RFESD: variants seen among roughly 807,000 people sequenced by gnomAD.
RFESD encodes the protein Rieske domain-containing protein.
In RFESD, 16 loss-of-function variants were observed where a neutral mutation model predicts 24.4. The ratio of observed to expected loss-of-function variants is 0.66; its 90% confidence interval spans 0.44 to 1.00. RFESD has a LOEUF of 1.00. Among genes scored for constraint, RFESD ranks in the 50% least tolerant of loss-of-function variants. RFESD has a pLI of 0.00. For synonymous variants in RFESD, 59 were observed against 81.8 expected (o/e 0.72, Z 1.50); for missense variants, 208 against 247.0 (o/e 0.84, Z 1.06).
chr5:95,652,869 ATTG>A (rs1750439584), intron 2 of RFESD: 1 of 449,404 alleles, frequency 2.2e-6, no homozygotes, highest in Non-Finnish European at 3.8e-6. Context: ...CTGGGCATCC[ATTG>A]TTGTTTTGCT....
intron 1 of RFESD, among the ~76,000 whole-genome samples, chr5:95,651,460 TC>T (rs752023166): frequency 7.9e-5 from 12 of 152,144 alleles, no homozygotes; most frequent in Non-Finnish European, 1.5e-4. Context: ...AGTGGTATGA[TC>T]ATAGCTCACT....
At chr5:95,655,948 C>G in intron 5 of RFESD, 98 bp from the exon 6 acceptor site, 1 of 1,114,550 alleles carries the variant, frequency 9.0e-7, no homozygotes, top group Non-Finnish European at 1.3e-6. Flanking sequence ...GAAAAGCTAA[C>G]CTGTTTTTTT....
At chr5:95,653,068 C>T in intron 2 of RFESD, 49 bp from the exon 3 acceptor site, 1 of 1,548,550 alleles carries the variant, frequency 6.5e-7, no homozygotes, top group Non-Finnish European at 8.7e-7. Context: ...GGAACACATT[C>T]ACCAAGACTT....
At chr5:95,653,989 G>A (rs1049598395) in intron 3 of RFESD, 72 bp from the exon 4 acceptor site, 10 of 1,270,296 alleles carry the variant, frequency 7.9e-6, no homozygotes, top group Non-Finnish European at 1.1e-5. Flanking sequence ...TTCATTCTTA[G>A]GGTTATCTCC....
At chr5:95,648,045 A>G (rs1561383918) in intron 1 of RFESD, 2 of 152,228 alleles carry the variant, frequency 1.3e-5, no homozygotes, top group Admixed American at 1.3e-4. Context: ...TGGTAAAAGC[A>G]TCTTAGTCAT....
Position 95,656,759 on chromosome 5 carries a change from C to A in RFESD, c.*450C>A, listed in dbSNP as rs1750789062. Reference sequence around the variant, plus strand: ...TATATAATGAACTTCCATCACTCAGCTTTAACAGTTATCAGCATTCTTCCA... The same window carrying A: ...TATATAATGAACTTCCATCACTCAGATTTAACAGTTATCAGCATTCTTCCA... On this transcript the variant is annotated 3_prime_UTR_variant, in exon 6 of 6. Coordinates refer to ENST00000380005, the MANE Select transcript of RFESD (RefSeq NM_001131066.2). 1 of 153,158 alleles carries A rather than the reference C, an allele frequency of 6.5e-6. No individual in the cohort carries two copies. The highest frequency in any genetic ancestry group is 2.0e-4 in the South Asian group (1 of 4,888). 9.5% of individuals were successfully genotyped at this position (153,158 alleles called of 1,614,324 possible). A position where few individuals can be genotyped will look rare whatever the true frequency, so the allele number is the denominator to read the frequency against.
chr5:95,647,574 T>C (rs1181867342), intron 1 of RFESD: 1 of 152,112 alleles, frequency 6.6e-6, no homozygotes, highest in African/African-American at 2.4e-5. Flanking sequence ...TGTGACTTTA[T>C]ATAAAATTAT....
At chr5:95,649,526 T>C (rs1750229464) in intron 1 of RFESD, among the ~76,000 whole-genome samples, 1 of 152,256 alleles carries the variant, frequency 6.6e-6, no homozygotes, top group Non-Finnish European at 1.5e-5. Flanking sequence ...TATTATTATG[T>C]TTAACTTTAC....
In RFESD at chr5:95,654,380, AAATTT is replaced by A; in HGVS notation, c.369+15_369+19del. The A allele has an allele frequency of 6.4e-7, 1 of 1,560,210 alleles. No individual in the cohort carries two copies. Among genetic ancestry groups the A allele is most frequent in the Non-Finnish European group, 8.7e-7 (1 of 1,145,598 alleles). ...GGGAGATATAGAGGTATGTAAAATT[AAATTT>A]ATTTTCAGCAAATTCAGCAAATAAA... On this transcript the variant is annotated intron_variant, in intron 5 of 5. Transcript: ENST00000380005.
chr5:95,656,413 A>G lies in RFESD; in HGVS notation c.*104A>G. 1.2e-6 allele frequency: 1 copy of G among 839,862 alleles called. No individual in the cohort carries two copies. Among genetic ancestry groups the G allele is most frequent in the South Asian group, 1.8e-5 (1 of 56,732 alleles). 52.0% of individuals were successfully genotyped at this position (839,862 alleles called of 1,614,324 possible). ...GATGAAATTTTTCAACATAGGCACA[A>G]CTGTTTAAAATTCACATACATTTGA... On this transcript the variant is annotated 3_prime_UTR_variant, in exon 6 of 6. Coordinates refer to ENST00000380005, the MANE Select transcript of RFESD (RefSeq NM_001131066.2).
chr5:95,652,359 A>G (rs779639291), intron 2 of RFESD, 28 bp downstream of exon 2: 3 of 1,547,244 alleles, frequency 1.9e-6, no homozygotes, highest in South Asian at 2.4e-5. Flanking sequence ...TATGACCTGG[A>G]AACTCCCCAG....
rs946474522 is a variant in RFESD, at chr5:95,654,048, T to C, written c.159-13T>C. Reference sequence around the variant, plus strand: ...AATACTTCTTGTAACTTTCCTTCTTTATGTTCAACTAGCATGAATCTTGAT... The same window carrying C: ...AATACTTCTTGTAACTTTCCTTCTTCATGTTCAACTAGCATGAATCTTGAT... On this transcript the variant is annotated splice_polypyrimidine_tract_variant and intron_variant, in intron 3 of 5. Transcript: ENST00000380005. 2 of 1,602,266 alleles carry C rather than the reference T, an allele frequency of 1.2e-6. No individual in the cohort carries two copies. Among genetic ancestry groups the C allele is most frequent in the East Asian group, 2.2e-5 (1 of 44,780 alleles).
Position 95,654,091 on chromosome 5 carries a change from T to G in RFESD, c.189T>G (p.Pro63=). 2 of 1,611,540 alleles carry G rather than the reference T, an allele frequency of 1.2e-6. No individual in the cohort carries two copies. The highest frequency in any genetic ancestry group is 1.7e-6 in the Non-Finnish European group (2 of 1,179,720). The change falls in exon 4 of 6, where the codon CCT becomes CCG. Residue 63 remains proline (P), a synonymous_variant. Coordinates refer to ENST00000380005, the MANE Select transcript of RFESD (RefSeq NM_001131066.2). ...ATCTTGATGGCTCTGCACAAGATCCTGAAAAGAGGGAATATTCTTCTGTGT... is the reference window on the plus strand; with the variant it reads ...ATCTTGATGGCTCTGCACAAGATCCGGAAAAGAGGGAATATTCTTCTGTGT... The part of the protein sequence containing the change: ...SMNLDGSAQD[P]EKREYSSVCV...
Position 95,656,298 on chromosome 5 carries a change from A to G in RFESD, c.622A>G (p.Ser208Gly), listed in dbSNP as rs1286387522. The change falls in exon 6 of 6, where the codon AGT becomes GGT. Residue 208 changes from serine to glycine, a missense_variant. Transcript: ENST00000380005. Reference protein sequence around the residue: ...YATGDFKVIKSSS With the variant: ...YATGDFKVIKGSS Reference sequence around the variant, plus strand: ...CACTGGAGACTTCAAAGTAATTAAGAGTTCTTCCTGATAAAAAATATATAG... The same window carrying G: ...CACTGGAGACTTCAAAGTAATTAAGGGTTCTTCCTGATAAAAAATATATAG... 6.2e-7 allele frequency: 1 copy of G among 1,602,746 alleles called. No individual in the cohort carries two copies. The highest frequency in any genetic ancestry group is 1.7e-5 in the Admixed American group (1 of 58,162).
chr5:95,651,857 T>C (rs1750358994), intron 1 of RFESD, among the ~76,000 whole-genome samples: 1 of 152,174 alleles, frequency 6.6e-6, no homozygotes, highest in Non-Finnish European at 1.5e-5. Flanking sequence ...ACTTTAGAAA[T>C]ACAGGGAAAA....
At chr5:95,653,243 C>T (rs1750470901) in intron 3 of RFESD, 29 bp downstream of exon 3, 1 of 1,550,974 alleles carries the variant, frequency 6.4e-7, no homozygotes. Flanking sequence ...TTCATTCATA[C>T]CCACCTTCTC....
Position 95,656,189 on chromosome 5 carries a change from G to T in RFESD, c.513G>T (p.Arg171Ser), listed in dbSNP as rs757351425. ...PKWCSKGIKQ[R>S]IHTVTVDNGN... ...GGTGCTCCAAAGGAATAAAGCAAAG[G>T]ATTCACACAGTGACAGTAGACAACG... The change falls in exon 6 of 6, where the codon AGG (arginine) becomes AGT (serine). Residue 171 changes from arginine to serine, a missense_variant. Coordinates refer to ENST00000380005, the MANE Select transcript of RFESD (RefSeq NM_001131066.2). The T allele has an allele frequency of 3.1e-6, 5 of 1,613,984 alleles. No individual in the cohort carries two copies. Among genetic ancestry groups the T allele is most frequent in the Non-Finnish European group, 8.5e-7 (1 of 1,179,912 alleles).
At chr5:95,650,051 A>G (rs990967189) in intron 1 of RFESD, among the ~76,000 whole-genome samples, 4 of 152,224 alleles carry the variant, frequency 2.6e-5, no homozygotes, top group Admixed American at 6.5e-5. Flanking sequence ...GCCAAAATCA[A>G]ATAAAACCAG....
At chr5:95,651,485 C>G (rs1229056919) in intron 1 of RFESD, among the ~76,000 whole-genome samples, 2 of 152,154 alleles carry the variant, frequency 1.3e-5, no homozygotes, top group African/African-American at 4.8e-5. Flanking sequence ...GCCTCAAACT[C>G]CTGGGCTCAA....
Sources: gnomAD v4.1 joint callset for allele counts (sites outside exome capture counted in the v4.1 genomes callset) on GRCh38, gnomAD v4.1.1 for gene constraint, MANE v1.5 for transcripts, NCBI Gene and HGNC (gene_info 2026-07-23, HGNC 2026-07-21) for gene names.